The following LIFR variants were observed in gnomAD, a reference collection of about 807,000 sequenced individuals.
LIFR encodes the protein leukemia inhibitory factor receptor.
LIFR carries 84 observed loss-of-function variants against 122.2 expected under a neutral mutation model. The ratio of observed to expected loss-of-function variants is 0.69; its 90% CI spans 0.58 to 0.82. The LOEUF (loss-of-function observed/expected upper bound fraction) is 0.82. Ranked by LOEUF, LIFR falls within the 40% of genes least tolerant of loss-of-function variation. The pLI is 0.00. For missense variants in LIFR, 1,294 were observed against 1,311.6 expected (o/e 0.99, Z 0.21); for synonymous variants, 422 against 434.7 (o/e 0.97, Z 0.36).
Position 38,528,736 on chromosome 5 carries a change from T to C in LIFR, c.247A>G (p.Ile83Val), listed in dbSNP as rs61751710. The change falls in exon 3 of 20, where the codon ATT (isoleucine) becomes GTT (valine). Residue 83 changes from isoleucine (I) to valine (V), a missense_variant. Ile to Val is a conservative substitution (Grantham distance 29, BLOSUM62 3). Transcript: ENST00000453190. ...TGRGTDYEVC[I>V]ENRSRSCYQL... ...GTAAATTAAAATTACCTGTTTTCAA[T>C]GCAAACTTCATAATCAGTACCACGG... 1,355 of 1,579,214 alleles carry C rather than the reference T, an allele frequency of 8.6e-4. 1 individual carries two copies. The highest frequency in any genetic ancestry group is 1.1e-3 in the Non-Finnish European group (1,279 of 1,157,792).
rs376229947 is a variant in LIFR, at chr5:38,482,210, A to C, written c.2679T>G (p.Ser893Arg). The C allele has an allele frequency of 9.5e-5, 152 of 1,604,554 alleles. No homozygotes were observed. Among genetic ancestry groups the C allele is most frequent in the Middle Eastern group, 1.7e-4 (1 of 6,002 alleles). ...GATTCATTTCCAATGTTTTAAGAGC[A>C]CTGCTTCCCTAGAAATAAATTTAAA... is the stretch of plus-strand genomic sequence containing the variant. ...QFQKSVCEGS[S>R]ALKTLEMNPC... The change falls in exon 20 of 20, where the codon AGT becomes AGG. Residue 893 changes from serine (S) to arginine (R), a missense_variant. Coordinates refer to ENST00000453190, the MANE Select transcript of LIFR (RefSeq NM_001127671.2).
chr5:38,562,747 A>G (rs1748882676), intron 1 of LIFR, among the ~76,000 whole-genome samples: 1 of 152,194 alleles, frequency 6.6e-6, no homozygotes, highest in South Asian at 2.1e-4. Flanking sequence ...ATTATTCTAA[A>G]TATTGCACTT....
chr5:38,510,438 T>C, intron 7 of LIFR, 26 bp downstream of exon 7: 1 of 1,599,306 alleles, frequency 6.3e-7, no homozygotes, highest in Non-Finnish European at 8.5e-7. Context: ...TTAATAGGAA[T>C]TCTCTCTTTA....
At chr5:38,483,694 G>A (rs934783076) in intron 18 of LIFR, among the ~76,000 whole-genome samples, 2 of 152,194 alleles carry the variant, frequency 1.3e-5, no homozygotes, top group African/African-American at 4.8e-5. Flanking sequence ...CTCCCAGAGT[G>A]TTGGGATTAC....
chr5:38,555,246 C>G (rs1748455085), intron 1 of LIFR, among the ~76,000 whole-genome samples: 1 of 152,112 alleles, frequency 6.6e-6, no homozygotes, highest in African/African-American at 2.4e-5. Flanking sequence ...CAGGCTTAGA[C>G]AAGAAACTCT....
At chr5:38,572,188 A>G (rs1177498218) in intron 1 of LIFR, among the ~76,000 whole-genome samples, 1 of 152,250 alleles carries the variant, frequency 6.6e-6, no homozygotes, top group Admixed American at 6.5e-5. Context: ...ACAATTCTGC[A>G]GGCTATACAG....
intron 14 of LIFR, among the ~76,000 whole-genome samples, chr5:38,493,111 G>A (rs893454138): frequency 1.3e-5 from 2 of 152,220 alleles, no homozygotes; most frequent in African/African-American, 4.8e-5. Context: ...AGTGGTAAGG[G>A]GTTCACGGTC....
intron 18 of LIFR, among the ~76,000 whole-genome samples, chr5:38,483,854 G>C (rs1019320272): frequency 4.6e-5 from 7 of 152,130 alleles, no homozygotes; most frequent in African/African-American, 1.7e-4. Flanking sequence ...ATGTTCTCTT[G>C]TCATAAATGA....
In LIFR at chr5:38,476,097, G is replaced by A. The variant is rs541785486; in HGVS notation, c.*5498C>T. 63 of 199,170 alleles carry A rather than the reference G, an allele frequency of 3.2e-4. No individual in the cohort carries two copies. The highest frequency in any genetic ancestry group is 1.2e-3 in the African/African-American group (53 of 43,558). The allele number at this position is 199,170 out of a possible 1,614,324, so 12.3% of individuals were successfully genotyped here. ...CATATTTTTCCTAAATATTGTGTTG[G>A]AAGGAAAAATTAAATACAAGGAAAC... is the stretch of plus-strand genomic sequence containing the variant. On this transcript the variant is annotated 3_prime_UTR_variant, in exon 20 of 20. Coordinates refer to ENST00000453190, the MANE Select transcript of LIFR (RefSeq NM_001127671.2).
chr5:38,538,714 CT>C (rs1747422277), intron 1 of LIFR, among the ~76,000 whole-genome samples: 1 of 152,206 alleles, frequency 6.6e-6, no homozygotes, highest in African/African-American at 2.4e-5. Flanking sequence ...GCCCTCCTCA[CT>C]CTCTGGCATA....
intron 5 of LIFR, among the ~76,000 whole-genome samples, chr5:38,519,474 G>A (rs937125946): frequency 1.3e-5 from 2 of 152,040 alleles, no homozygotes; most frequent in Admixed American, 6.6e-5. Context: ...AACATTTCAA[G>A]TCTTCTAGCT....
intron 1 of LIFR, among the ~76,000 whole-genome samples, chr5:38,544,571 C>T (rs1416621472): frequency 1.3e-5 from 2 of 152,188 alleles, no homozygotes; most frequent in Non-Finnish European, 1.5e-5. Context: ...TCCCTGCTTG[C>T]CTCCCTCCCC....
rs1743962156 is a variant in LIFR, at chr5:38,481,154, C to T, written c.*441G>A. ...TTTTCATCTAGAAAGGAGTAAACGT[C>T]AGGCAAATAAACTTCACCTGTTACT... On this transcript the variant is annotated 3_prime_UTR_variant, in exon 20 of 20. Coordinates refer to ENST00000453190, the MANE Select transcript of LIFR (RefSeq NM_001127671.2). The T allele has an allele frequency of 3.8e-6, 1 of 264,800 alleles. No homozygotes were observed. The highest frequency in any genetic ancestry group is 5.6e-5 in the East Asian group (1 of 17,752). 16.4% of individuals were successfully genotyped at this position (264,800 alleles called of 1,614,324 possible). A position where few individuals can be genotyped will look rare whatever the true frequency, so the allele number is the denominator to read the frequency against.
intron 2 of LIFR, 47 bp from the exon 3 acceptor site, chr5:38,528,887 TAAACACAG>T (rs779463654): frequency 2.0e-6 from 2 of 1,022,126 alleles, no homozygotes; most frequent in South Asian, 2.8e-5. Flanking sequence ...CAGACACACA[TAAACACAG>T]AATATGCTGA....
At chr5:38,565,926 T>C (rs180678035) in intron 1 of LIFR, among the ~76,000 whole-genome samples, 1 of 152,354 alleles carries the variant, frequency 6.6e-6, no homozygotes, top group East Asian at 1.9e-4. Context: ...AAATATTTAT[T>C]GAGTACTTAA....
chr5:38,516,927 A>C (rs1476923564), intron 5 of LIFR, among the ~76,000 whole-genome samples: 1 of 152,158 alleles, frequency 6.6e-6, no homozygotes, highest in African/African-American at 2.4e-5. Context: ...TGAAGTTGGA[A>C]GCCATCATTC....
intron 5 of LIFR, among the ~76,000 whole-genome samples, chr5:38,519,237 T>TCA (rs541474267): frequency 1.2e-3 from 177 of 152,338 alleles, no homozygotes; most frequent in Admixed American, 4.1e-3. Context: ...TCCTAGGCCC[T>TCA]CAATTCACTC....
Position 38,506,548 on chromosome 5 carries a change from G to A in LIFR, c.1076C>T (p.Thr359Ile), listed in dbSNP as rs80216198. 1 of 1,614,006 alleles carries A rather than the reference G, an allele frequency of 6.2e-7. No individual in the cohort carries two copies. Among genetic ancestry groups the A allele is most frequent in the Non-Finnish European group, 8.5e-7 (1 of 1,179,942 alleles). Reference sequence around the variant, plus strand: ...TGTAGCACGTGGGCCCACCAACGCTGTCACCCTTCCTGGATTCCAACTACA... The same window carrying A: ...TGTAGCACGTGGGCCCACCAACGCTATCACCCTTCCTGGATTCCAACTACA... ...IICSWNPGRV[T>I]ALVGPRATSY... Residue 359 changes from threonine to isoleucine, a missense_variant, in exon 8 of 20, where the codon ACA becomes ATA. Physicochemically the swap from Thr to Ile is moderately conservative, Grantham distance 89. Transcript: ENST00000453190.
In LIFR at chr5:38,482,121, G is replaced by C. The variant is rs1226106081; in HGVS notation, c.2768C>G (p.Thr923Arg). 3 of 1,585,052 alleles carry C rather than the reference G, an allele frequency of 1.9e-6. No individual in the cohort carries two copies. The highest frequency in any genetic ancestry group is 2.7e-5 in the African/African-American group (2 of 73,384). The stretch of plus-strand genomic sequence containing the variant: ...CTCAGCTACTGGGGAAATTATTTCT[G>C]TATCTTCTATTTTAGGAAATGCTGA... ...TRSAFPKIED[T>R]EIISPVAERP... The change falls in exon 20 of 20, where the codon ACA becomes AGA. Residue 923 changes from threonine (T) to arginine (R), a missense_variant. Physicochemically the swap from Thr to Arg is moderately conservative, Grantham distance 71. Transcript: ENST00000453190.
Sources: allele counts gnomAD v4.1 joint callset (sites outside exome capture counted in the v4.1 genomes callset), GRCh38; gene constraint gnomAD v4.1.1; transcripts MANE v1.5; gene names NCBI Gene and HGNC (gene_info 2026-07-23, HGNC 2026-07-21).